MRPS28: variants seen among roughly 807,000 people sequenced by gnomAD.
MRPS28 encodes the protein mitochondrial ribosomal protein S28.
In MRPS28, 7 loss-of-function variants were observed where a neutral mutation model predicts 10.8. The observed-to-expected ratio is 0.65, with a 90% confidence interval of 0.37 to 1.22. The LOEUF (loss-of-function observed/expected upper bound fraction) is 1.22, where lower values mean the gene tolerates loss of function less well. MRPS28 is among the 50% of genes most tolerant of loss of function. The pLI, the probability that MRPS28 is intolerant of heterozygous loss-of-function variation, is 0.02. For synonymous variants in MRPS28, 121 were observed against 93.3 expected (o/e 1.30, Z -1.71); for missense variants, 265 against 232.9 (o/e 1.14, Z -0.90).
chr8:79,976,619 T>C (rs1016194720), intron 2 of MRPS28, among the ~76,000 whole-genome samples: 23 of 152,000 alleles, frequency 1.5e-4, no homozygotes, highest in African/African-American at 4.6e-4. Context: ...GGTGGGAGGA[T>C]TGCTTCAACC....
At chr8:80,024,166 T>C (rs1393675260) in intron 1 of MRPS28, among the ~76,000 whole-genome samples, 6 of 151,154 alleles carry the variant, frequency 4.0e-5, no homozygotes, top group African/African-American at 1.5e-4. Context: ...GGGAGAGAGG[T>C]TGCAGTGAGC....
At chr8:80,026,454 C>T (rs1809495180) in intron 1 of MRPS28, among the ~76,000 whole-genome samples, 1 of 151,946 alleles carries the variant, frequency 6.6e-6, no homozygotes, top group Non-Finnish European at 1.5e-5. Context: ...GACAGTGACA[C>T]ATATATTACA....
intron 2 of MRPS28, among the ~76,000 whole-genome samples, chr8:79,959,602 T>G (rs932319183): frequency 6.6e-6 from 1 of 152,102 alleles, no homozygotes. Context: ...TAGAAAAACT[T>G]TGCAGCAAAT....
intron 2 of MRPS28, among the ~76,000 whole-genome samples, chr8:79,931,153 T>C (rs1310074422): frequency 6.6e-6 from 1 of 152,180 alleles, no homozygotes; most frequent in East Asian, 1.9e-4. Flanking sequence ...CAGGGTAGAA[T>C]AGTGACTTAT....
At chr8:79,953,077 C>T (rs1472414501) in intron 2 of MRPS28, among the ~76,000 whole-genome samples, 4 of 152,194 alleles carry the variant, frequency 2.6e-5, no homozygotes, top group South Asian at 4.1e-4. Flanking sequence ...CTGTCCTAAT[C>T]CTGCTCTGAC....
At chr8:80,003,649 G>A (rs1410914387) in intron 1 of MRPS28, among the ~76,000 whole-genome samples, 1 of 152,160 alleles carries the variant, frequency 6.6e-6, no homozygotes, top group Non-Finnish European at 1.5e-5. Flanking sequence ...GACAGCGGGT[G>A]CAGGGCAGTG....
intron 1 of MRPS28, among the ~76,000 whole-genome samples, chr8:80,006,745 C>T (rs1420502728): frequency 2.0e-5 from 3 of 152,178 alleles, no homozygotes; most frequent in Non-Finnish European, 2.9e-5. Context: ...CCTGAATAGA[C>T]CAATAACAGG....
chr8:80,006,121 C>A (rs1362468774), intron 1 of MRPS28, among the ~76,000 whole-genome samples: 2 of 152,092 alleles, frequency 1.3e-5, no homozygotes, highest in East Asian at 3.8e-4. Context: ...AACTCAGCTC[C>A]ACACCAAGTG....
intron 2 of MRPS28, among the ~76,000 whole-genome samples, chr8:79,948,571 C>T (rs1368361087): frequency 1.2e-4 from 18 of 151,332 alleles, no homozygotes; most frequent in Non-Finnish European, 3.0e-5. Flanking sequence ...AATATCAAGG[C>T]TTTCACAGCT....
At chr8:80,000,888 T>C (rs1391125269) in intron 2 of MRPS28, among the ~76,000 whole-genome samples, 3 of 152,182 alleles carry the variant, frequency 2.0e-5, no homozygotes, top group Non-Finnish European at 2.9e-5. Flanking sequence ...TGTTCAAGAA[T>C]ATAACATAAT....
intron 1 of MRPS28, among the ~76,000 whole-genome samples, chr8:80,004,396 C>T (rs1278611373): frequency 6.6e-6 from 1 of 152,198 alleles, no homozygotes; most frequent in African/African-American, 2.4e-5. Flanking sequence ...GGATCTCCAG[C>T]AAACTCCAAC....
chr8:79,995,653 T>C (rs1808482041), intron 2 of MRPS28, among the ~76,000 whole-genome samples: 1 of 152,130 alleles, frequency 6.6e-6, no homozygotes, highest in African/African-American at 2.4e-5. Context: ...ACTTCACTTA[T>C]CAGGAAGTTA....
intron 2 of MRPS28, among the ~76,000 whole-genome samples, chr8:79,969,229 G>A (rs1370364453): frequency 6.6e-6 from 1 of 152,170 alleles, no homozygotes; most frequent in African/African-American, 2.4e-5. Flanking sequence ...CTCAAAAGAT[G>A]ACTGAGGATA....
rs1028167762 is a variant in MRPS28 at position 79,973,997 on chromosome 8, G to A, written c.395+29002C>T. 4.6e-5 allele frequency among the ~76,000 whole-genome samples: 7 copies of A among 151,974 alleles called. No homozygotes were observed. In the East Asian group the frequency reaches 7.8e-4, roughly 17 times the overall value. ...AAACTCCTGACCTCAAATGATCCTC[G>A]GCCTCACAAAGTGTTGGGATTACAG... On this transcript the variant is annotated intron_variant, in intron 2 of 2. Coordinates refer to ENST00000276585, the MANE Select transcript of MRPS28 (RefSeq NM_014018.3).
chr8:79,924,260 T>C (rs570892722), intron 2 of MRPS28, among the ~76,000 whole-genome samples: 21 of 152,364 alleles, frequency 1.4e-4, no homozygotes, highest in African/African-American at 5.0e-4. Context: ...TTTCTCACAA[T>C]TCCTTAATTA....
intron 1 of MRPS28, among the ~76,000 whole-genome samples, chr8:80,010,830 C>T (rs919392429): frequency 2.0e-5 from 3 of 152,158 alleles, no homozygotes; most frequent in African/African-American, 7.2e-5. Flanking sequence ...AACTGAAACA[C>T]ACAGGGAAAA....
intron 1 of MRPS28, among the ~76,000 whole-genome samples, chr8:80,007,031 T>G (rs1808869255): frequency 6.6e-6 from 1 of 152,192 alleles, no homozygotes; most frequent in African/African-American, 2.4e-5. Context: ...AATAAAATAC[T>G]GGCAAACCGA....
chr8:80,025,518 C>G (rs948875605), intron 1 of MRPS28, among the ~76,000 whole-genome samples: 1 of 152,042 alleles, frequency 6.6e-6, no homozygotes, highest in South Asian at 2.1e-4. Context: ...ACAGAAACAA[C>G]CTAAAAGTTC....
intron 2 of MRPS28, among the ~76,000 whole-genome samples, chr8:79,986,157 C>T (rs1420819058): frequency 6.6e-6 from 1 of 152,138 alleles, no homozygotes; most frequent in Non-Finnish European, 1.5e-5. Context: ...AGCATATAAA[C>T]AGAACCAAAG....
Sources: allele counts gnomAD v4.1 joint callset (sites outside exome capture counted in the v4.1 genomes callset), GRCh38; gene constraint gnomAD v4.1.1; transcripts MANE v1.5; gene names NCBI Gene and HGNC (gene_info 2026-07-23, HGNC 2026-07-21).